CPED1: variants seen among roughly 807,000 people sequenced by gnomAD.
CPED1 encodes the protein cadherin like and PC-esterase domain containing 1.
A neutral mutation model predicts 128.2 loss-of-function variants in CPED1; 114 were observed. That is an observed-to-expected ratio of 0.89 (90% CI 0.76 to 1.04). The LOEUF is 1.04. Among genes scored for constraint, CPED1 ranks in the 50% least tolerant of loss-of-function variants. CPED1 has a pLI of 0.00. For missense variants in CPED1, 1,211 were observed against 1,207.1 expected (o/e 1.00, Z -0.05); for synonymous variants, 462 against 426.7 (o/e 1.08, Z -1.02).
intron 5 of CPED1, among the ~76,000 whole-genome samples, chr7:121,071,203 C>T (rs577901177): frequency 2.6e-5 from 4 of 152,212 alleles, no homozygotes; most frequent in African/African-American, 9.6e-5. Context: ...AGACATCTCT[C>T]GGCAAGGTTG....
At chr7:121,025,952 C>G (rs1792569430) in intron 3 of CPED1, among the ~76,000 whole-genome samples, 1 of 152,110 alleles carries the variant, frequency 6.6e-6, no homozygotes, top group African/African-American at 2.4e-5. Context: ...ATAGTGCTAT[C>G]CCGGCAGTAT....
chr7:121,103,234 C>T (rs1427036694), intron 7 of CPED1, among the ~76,000 whole-genome samples: 1 of 152,090 alleles, frequency 6.6e-6, no homozygotes, highest in Non-Finnish European at 1.5e-5. Flanking sequence ...GGAAAGCATG[C>T]AGTTCTTGTC....
chr7:121,262,591 C>T (rs1225370834), intron 18 of CPED1, among the ~76,000 whole-genome samples: 1 of 151,994 alleles, frequency 6.6e-6, no homozygotes, highest in Non-Finnish European at 1.5e-5. Flanking sequence ...AATAACCATG[C>T]ATGCTAATGT....
At chr7:121,200,828 GA>G (rs1797378337) in intron 16 of CPED1, among the ~76,000 whole-genome samples, 1 of 152,176 alleles carries the variant, frequency 6.6e-6, no homozygotes, top group African/African-American at 2.4e-5. Context: ...ATCACACCAA[GA>G]AGTTAAGATC....
chr7:121,202,514 C>T (rs923117385), intron 16 of CPED1, among the ~76,000 whole-genome samples: 5 of 152,072 alleles, frequency 3.3e-5, no homozygotes, highest in African/African-American at 1.2e-4. Flanking sequence ...GTCATGATCA[C>T]AACAAGACAG....
At chr7:120,992,271 T>A (rs1796321028) in intron 2 of CPED1, among the ~76,000 whole-genome samples, 1 of 152,204 alleles carries the variant, frequency 6.6e-6, no homozygotes, top group Non-Finnish European at 1.5e-5. Flanking sequence ...AATTTTGGAT[T>A]TTGTTATTAC....
chr7:121,052,429 G>T (rs910298794), intron 4 of CPED1, among the ~76,000 whole-genome samples: 1 of 152,096 alleles, frequency 6.6e-6, no homozygotes, highest in Non-Finnish European at 1.5e-5. Flanking sequence ...AACCCTTTGC[G>T]CCATCACTCA....
At chr7:121,075,479 T>A (rs1200410489) in intron 5 of CPED1, among the ~76,000 whole-genome samples, 2 of 152,042 alleles carry the variant, frequency 1.3e-5, no homozygotes, top group African/African-American at 4.8e-5. Context: ...TTTTATTTAT[T>A]TTTTTTGAGG....
intron 3 of CPED1, among the ~76,000 whole-genome samples, chr7:121,043,492 T>A (rs1439028990): frequency 6.6e-6 from 1 of 152,206 alleles, no homozygotes; most frequent in Admixed American, 6.5e-5. Context: ...GTTATCTTAA[T>A]AAAACCAATT....
intron 18 of CPED1, among the ~76,000 whole-genome samples, chr7:121,263,149 T>C (rs1161594574): frequency 6.6e-6 from 1 of 152,054 alleles, no homozygotes; most frequent in East Asian, 1.9e-4. Flanking sequence ...CAGGTAGCTC[T>C]TGCTAGTCAC....
chr7:121,164,528 C>T (rs1331604881), intron 16 of CPED1, among the ~76,000 whole-genome samples: 2 of 152,144 alleles, frequency 1.3e-5, no homozygotes, highest in African/African-American at 4.8e-5. Context: ...CCCCAGGTTC[C>T]CACTCAGTAG....
intron 5 of CPED1, among the ~76,000 whole-genome samples, chr7:121,097,006 A>C (rs185944095): frequency 6.6e-5 from 10 of 152,228 alleles, no homozygotes; most frequent in Admixed American, 1.3e-4. Context: ...ATACGTAAGC[A>C]TTGGTTTTTG....
intron 3 of CPED1, among the ~76,000 whole-genome samples, chr7:121,035,100 C>CA (rs1183777515): frequency 6.6e-6 from 1 of 151,660 alleles, no homozygotes; most frequent in Non-Finnish European, 1.5e-5. Context: ...TTTCAGGGAC[C>CA]AAAAAAAGGC....
intron 16 of CPED1, among the ~76,000 whole-genome samples, chr7:121,185,547 C>T (rs1434742232): frequency 1.3e-5 from 2 of 152,036 alleles, no homozygotes; most frequent in Admixed American, 6.6e-5. Flanking sequence ...TAATTAAGGA[C>T]ATAATTTTAA....
chr7:121,019,579 A>C (rs1329259997), intron 3 of CPED1, among the ~76,000 whole-genome samples: 1 of 152,074 alleles, frequency 6.6e-6, no homozygotes, highest in African/African-American at 2.4e-5. Flanking sequence ...AAAACAATGC[A>C]ACAGTCTGCT....
intron 16 of CPED1, among the ~76,000 whole-genome samples, chr7:121,202,341 G>C (rs549907928): frequency 2.0e-5 from 3 of 152,124 alleles, no homozygotes; most frequent in Non-Finnish European, 4.4e-5. Flanking sequence ...ACCAGTCATT[G>C]GAGACAGGAG....
intron 22 of CPED1, among the ~76,000 whole-genome samples, chr7:121,279,455 C>T (rs535608544): frequency 2.3e-4 from 33 of 142,198 alleles, no homozygotes; most frequent in Admixed American, 7.1e-4. Context: ...CCCCACCCCC[C>T]GCCACAAAGA....
At chr7:121,012,471 T>C (rs1792183473) in intron 2 of CPED1, among the ~76,000 whole-genome samples, 1 of 152,224 alleles carries the variant, frequency 6.6e-6, no homozygotes, top group Admixed American at 6.5e-5. Context: ...TTCTCTTCCA[T>C]TAAAAATATA....
chr7:121,256,154 C>CAAAAAAAAAAAAAAAA (rs1791868951), intron 18 of CPED1, among the ~76,000 whole-genome samples: 1 of 131,512 alleles, frequency 7.6e-6, no homozygotes, highest in African/African-American at 3.1e-5. Context: ...AAGCTTATGC[C>CAAAAAAAAAAAAAAAA]AAAGACATAA....
Sources: allele counts gnomAD v4.1 joint callset (sites outside exome capture counted in the v4.1 genomes callset), GRCh38; gene constraint gnomAD v4.1.1; transcripts MANE v1.5; gene names NCBI Gene and HGNC (gene_info 2026-07-23, HGNC 2026-07-21).